Variants in PTPRN2 observed in about 807,000 individuals in gnomAD.
The protein encoded by PTPRN2 is protein tyrosine phosphatase receptor type N2.
In PTPRN2, 74 loss-of-function variants were observed where a neutral mutation model predicts 118.8. That is an observed-to-expected ratio of 0.62 (90% CI 0.52 to 0.76). The LOEUF is 0.76. Ranked by LOEUF, PTPRN2 falls within the 30% of genes least tolerant of loss-of-function variation. PTPRN2 has a pLI of 0.00. For missense variants in PTPRN2, 1,481 were observed against 1,394.4 expected (o/e 1.06, Z -0.99); for synonymous variants, 641 against 608.0 (o/e 1.05, Z -0.80).
At chr7:157,907,793 C>T (rs1797863386) in intron 11 of PTPRN2, among the ~76,000 whole-genome samples, 3 of 152,168 alleles carry the variant, frequency 2.0e-5, no homozygotes, top group Admixed American at 2.0e-4. Flanking sequence ...CTTCTGCCCC[C>T]ATGTGCTGTG....
At chr7:157,571,375 T>C (rs1312034050) in intron 20 of PTPRN2, 65 bp downstream of exon 20, 3 of 1,270,350 alleles carry the variant, frequency 2.4e-6, no homozygotes, top group Non-Finnish European at 3.4e-6. Context: ...AGCTTCTGTA[T>C]TTAATTGCAT....
intron 12 of PTPRN2, among the ~76,000 whole-genome samples, chr7:157,894,915 C>T (rs535859771): frequency 2.2e-4 from 34 of 152,286 alleles, no homozygotes; most frequent in African/African-American, 5.1e-4. Flanking sequence ...GAAAGTGGAT[C>T]GGCTGGGACA....
In PTPRN2 at chr7:157,560,056, AG is replaced by A. The variant is rs1200817692; in HGVS notation, c.2902+8845del. Among the ~76,000 whole-genome samples, 1 of 152,178 alleles carries A rather than the reference AG, an allele frequency of 6.6e-6. No homozygotes were observed. Among genetic ancestry groups the A allele is most frequent in the Non-Finnish European group, 1.5e-5 (1 of 68,028 alleles). ...CTTGCAGAAGGGACAGCCCTCGGCC[AG>A]GTGGGACCTGAACGACATTTTGCGG... On this transcript the variant is annotated intron_variant, in intron 21 of 22. Coordinates refer to ENST00000389418, the MANE Select transcript of PTPRN2 (RefSeq NM_002847.5). The surrounding 1 kb of genome is among the most constrained non-coding windows in gnomAD (Gnocchi z 6.7).
intron 11 of PTPRN2, among the ~76,000 whole-genome samples, chr7:158,032,995 A>ATT (rs57380452): frequency 5.9e-5 from 9 of 151,276 alleles, no homozygotes; most frequent in Non-Finnish European, 8.9e-5. Context: ...TTACCCAGTA[A>ATT]TTTTTTTTTT....
At position 157,609,601 on chromosome 7, in the gene PTPRN2, G is replaced by A. The variant is rs1802210211; in HGVS notation, c.2345-5526C>T. On this transcript the variant is annotated intron_variant, in intron 15 of 22. Transcript: ENST00000389418. This position sits in a 1 kb window ranked among gnomAD's most constrained non-coding sequence, Gnocchi z 4.9. ...CCACGGCCTCGTGGTCCACAGGGGAGCACAGGGTTTGACTCCCAGCCCCAC... is the reference window on the plus strand; with the variant it reads ...CCACGGCCTCGTGGTCCACAGGGGAACACAGGGTTTGACTCCCAGCCCCAC... Among the ~76,000 whole-genome samples the A allele has an allele frequency of 6.6e-6, 1 of 152,306 alleles. No homozygotes were observed. The highest frequency in any genetic ancestry group is 2.4e-5 in the African/African-American group (1 of 41,560).
intron 3 of PTPRN2, among the ~76,000 whole-genome samples, chr7:158,306,312 G>A (rs779723529): frequency 2.0e-5 from 3 of 152,208 alleles, no homozygotes; most frequent in African/African-American, 7.2e-5. Flanking sequence ...AACACATGGA[G>A]GGCTGTGTGC....
intron 21 of PTPRN2, among the ~76,000 whole-genome samples, chr7:157,553,793 G>A (rs951308762): frequency 1.6e-4 from 25 of 152,226 alleles, no homozygotes; most frequent in Non-Finnish European, 7.3e-5. Context: ...GACGGCTCCT[G>A]CTTCTTGCAT....
chr7:158,319,504 T>C (rs1802678668), intron 2 of PTPRN2, among the ~76,000 whole-genome samples: 13 of 31,474 alleles, frequency 4.1e-4, no homozygotes, highest in South Asian at 1.4e-3. Context: ...TCACACAGCC[T>C]CCCCCCACAC....
intron 2 of PTPRN2, among the ~76,000 whole-genome samples, chr7:158,475,053 T>C (rs1229998548): frequency 1.3e-5 from 2 of 152,082 alleles, no homozygotes; most frequent in Admixed American, 1.3e-4. Flanking sequence ...AAGGTGATCA[T>C]AAGAACCCCG....
chr7:158,431,575 A>ACATACTGGCT (rs1816189702), intron 2 of PTPRN2, among the ~76,000 whole-genome samples: 1 of 140,456 alleles, frequency 7.1e-6, no homozygotes, highest in Admixed American at 7.1e-5. Context: ...CATACTGGCC[A>ACATACTGGCT]CATACTGGCT....
intron 11 of PTPRN2, among the ~76,000 whole-genome samples, chr7:158,062,321 A>G (rs1180394856): frequency 6.6e-6 from 1 of 152,234 alleles, no homozygotes; most frequent in African/African-American, 2.4e-5. Flanking sequence ...TGCTGGCTGT[A>G]TTCCTGCTGT....
chr7:158,443,465 G>T (rs976815611), intron 2 of PTPRN2, among the ~76,000 whole-genome samples: 9 of 152,270 alleles, frequency 5.9e-5, no homozygotes, highest in African/African-American at 1.9e-4. Flanking sequence ...GTTGGGGGCT[G>T]CCCGCCGCCT....
intron 12 of PTPRN2, among the ~76,000 whole-genome samples, chr7:157,727,437 C>G (rs1012722399): frequency 1.3e-5 from 2 of 152,164 alleles, no homozygotes; most frequent in Non-Finnish European, 2.9e-5. Flanking sequence ...GAAGCCATCA[C>G]TAGAGGACAC....
intron 19 of PTPRN2, among the ~76,000 whole-genome samples, chr7:157,574,071 G>A (rs747639745): frequency 3.9e-5 from 6 of 152,156 alleles, no homozygotes; most frequent in Admixed American, 2.0e-4. Flanking sequence ...TGTAGACCAC[G>A]AGTTATTCAG....
intron 2 of PTPRN2, among the ~76,000 whole-genome samples, chr7:158,462,057 A>T: frequency 8.1e-6 from 1 of 123,918 alleles, no homozygotes; most frequent in African/African-American, 2.9e-5. Context: ...ATGCTTTCAG[A>T]CCCCCTGTGC....
chr7:157,939,916 T>C (rs538889771), intron 11 of PTPRN2, among the ~76,000 whole-genome samples: 4 of 152,280 alleles, frequency 2.6e-5, no homozygotes, highest in Non-Finnish European at 4.4e-5. Flanking sequence ...GCTTCCTGAA[T>C]GAACTAAGCA....
At chr7:158,009,303 G>A (rs4716528) in intron 11 of PTPRN2, among the ~76,000 whole-genome samples, 99,273 of 151,828 alleles carry the variant, frequency 0.65, 33,162 homozygotes, top group East Asian at 0.82. Flanking sequence ...TACACAATAC[G>A]TGCTATTTAT....
At chr7:158,482,857 T>G (rs1820743399) in intron 2 of PTPRN2, among the ~76,000 whole-genome samples, 1 of 152,164 alleles carries the variant, frequency 6.6e-6, no homozygotes, top group African/African-American at 2.4e-5. Flanking sequence ...ACACGCTACC[T>G]CAAAATATGG....
rs185831892 is a variant in PTPRN2, at chr7:158,125,389, C to T, written c.1556+8288G>A. ...CCCTCCCACGGCCACCCCCCTGCCT[C>T]GCGTACTTCCCACGGCCGCTCCCAG... On this transcript the variant is annotated intron_variant, in intron 9 of 22. Transcript: ENST00000389418. Among the ~76,000 whole-genome samples, 546 of 152,230 alleles carry T rather than the reference C, an allele frequency of 3.6e-3. 3 individuals are homozygous for T. Among genetic ancestry groups the T allele is most frequent in the African/African-American group, 0.012 (517 of 41,528 alleles).
Sources: allele counts gnomAD v4.1 joint callset (sites outside exome capture counted in the v4.1 genomes callset), GRCh38; gene constraint gnomAD v4.1.1; non-coding constraint Gnocchi (gnomAD v3.1); transcripts MANE v1.5; gene names NCBI Gene and HGNC (gene_info 2026-07-23, HGNC 2026-07-21).